Variants in EPS8 observed in about 807,000 individuals in gnomAD.
EPS8 encodes EGFR pathway substrate 8, signaling adaptor.
EPS8 carries 42 observed loss-of-function variants against 103.8 expected under a neutral mutation model. The observed-to-expected ratio is 0.40, with a 90% CI of 0.32 to 0.52. EPS8 has a LOEUF of 0.52. Ranked by LOEUF, EPS8 falls within the 20% of genes least tolerant of loss-of-function variation. The pLI, the probability that EPS8 is intolerant of heterozygous loss-of-function variation, is 0.40. For synonymous variants in EPS8, 344 were observed against 344.6 expected (o/e 1.00, Z 0.02); for missense variants, 969 against 1,005.1 (o/e 0.96, Z 0.49).
chr12:15,776,142 T>C lies in EPS8; in HGVS notation c.-22+13019A>G, dbSNP rs774295309. ...AGCAATTTTTCTTTTAAAAGAAATT[T>C]TTGCCCAAGTATTCTCCTTTCCAGT... On this transcript the variant is annotated intron_variant, in intron 1 of 20. Coordinates refer to ENST00000281172, the MANE Select transcript of EPS8 (RefSeq NM_004447.6). This position sits in a 1 kb window ranked among gnomAD's most constrained non-coding sequence, Gnocchi z 4.2. Among the ~76,000 whole-genome samples, 1 of 152,184 alleles carries C rather than the reference T, an allele frequency of 6.6e-6. No homozygotes were observed. The highest frequency in any genetic ancestry group is 1.5e-5 in the Non-Finnish European group (1 of 68,032).
rs568743483 is a variant in EPS8 at position 15,736,289 on chromosome 12, G to A, written c.-22+52872C>T. ...TTTTATAACATGAGTCTAGCACCAA[G>A]GAAAATGGACTTTGGAGTAAAGGAG... On this transcript the variant is annotated intron_variant, in intron 1 of 20. Transcript: ENST00000281172. The surrounding 1 kb of genome is among the most constrained non-coding windows in gnomAD (Gnocchi z 4.2). 4.2e-4 allele frequency among the ~76,000 whole-genome samples: 64 copies of A among 152,198 alleles called. No homozygotes were observed. The highest frequency in any genetic ancestry group is 3.4e-3 in the Middle Eastern group (1 of 294).
chr12:15,662,387 C>T (rs1391840654), intron 8 of EPS8: 1 of 1,135,874 alleles, frequency 8.8e-7, no homozygotes, highest in Admixed American at 4.5e-5. Context: ...ACCTGTAGAA[C>T]CAACCTTAAC....
In EPS8 at chr12:15,690,879, A is replaced by G. The variant is rs1157433207; in HGVS notation, c.-21-7907T>C. Among the ~76,000 whole-genome samples, 1 of 152,146 alleles carries G rather than the reference A, an allele frequency of 6.6e-6. No individual in the cohort carries two copies. The highest frequency in any genetic ancestry group is 1.5e-5 in the Non-Finnish European group (1 of 68,026). ...TAGTATTTTTCATTTATCTTCAAGA[A>G]TAGAGGCAGTCCTAATAGGCTGCTA... On this transcript the variant is annotated intron_variant, in intron 1 of 20. Coordinates refer to ENST00000281172, the MANE Select transcript of EPS8 (RefSeq NM_004447.6). This position sits in a 1 kb window ranked among gnomAD's most constrained non-coding sequence, Gnocchi z 4.7.
rs180899529 is a variant in EPS8, at chr12:15,669,833, T to G, written c.205-8A>C. The stretch of plus-strand genomic sequence containing the variant: ...GACAAAGGTAGTCAAGTGCTTACAA[T>G]TGGCAAAAAGGAAAAAGATTTATAA... On this transcript the variant is annotated splice_polypyrimidine_tract_variant and splice_region_variant and intron_variant, in intron 4 of 20. Transcript: ENST00000281172. 1.3e-6 allele frequency: 2 copies of G among 1,575,854 alleles called. No homozygotes were observed. Among genetic ancestry groups the G allele is most frequent in the Non-Finnish European group, 8.6e-7 (1 of 1,164,108 alleles).
rs1404158588 is a variant in EPS8, at chr12:15,787,496, G to C, written c.-22+1665C>G. Among the ~76,000 whole-genome samples the C allele has an allele frequency of 1.3e-5, 2 of 151,990 alleles. No individual in the cohort carries two copies. Among genetic ancestry groups the C allele is most frequent in the Non-Finnish European group, 2.9e-5 (2 of 67,974 alleles). On this transcript the variant is annotated intron_variant, in intron 1 of 20. Transcript: ENST00000281172. This position sits in a 1 kb window ranked among gnomAD's most constrained non-coding sequence, Gnocchi z 4.9. ...AAGAAACATCACCCTATTAAGAGTGGGGCTACTAACAGTATAAGTTAAATT... is the reference window on the plus strand; with the variant it reads ...AAGAAACATCACCCTATTAAGAGTGCGGCTACTAACAGTATAAGTTAAATT...
rs757961557 is a variant in EPS8 at position 15,731,248 on chromosome 12, A to G, written c.-21-48276T>C. 1.3e-5 allele frequency among the ~76,000 whole-genome samples: 2 copies of G among 152,204 alleles called. No individual in the cohort carries two copies. Among genetic ancestry groups the G allele is most frequent in the Non-Finnish European group, 2.9e-5 (2 of 68,024 alleles). ...ATTCTCTTTTCAAAGTATTTTGAAG[A>G]CAAATTCAGAATATAAAACTTTAAT... is the stretch of plus-strand genomic sequence containing the variant. On this transcript the variant is annotated intron_variant, in intron 1 of 20. Transcript: ENST00000281172. The surrounding 1 kb of genome is among the most constrained non-coding windows in gnomAD (Gnocchi z 5.1).
At chr12:15,740,645 A>G (rs1196976322) in intron 1 of EPS8, among the ~76,000 whole-genome samples, 1 of 152,120 alleles carries the variant, frequency 6.6e-6, no homozygotes, top group East Asian at 1.9e-4. Context: ...CATATGTGTC[A>G]TATAGATTTA....
rs1946546763 is a variant in EPS8 at position 15,717,588 on chromosome 12, A to G, written c.-21-34616T>C. ...GGTGACAGCACGAGACTCCATCTCA[A>G]AAAAAAAGAAAGAAAGAAAGAAAAA... On this transcript the variant is annotated intron_variant, in intron 1 of 20. Transcript: ENST00000281172. The surrounding 1 kb of genome is among the most constrained non-coding windows in gnomAD (Gnocchi z 4.3). 6.6e-6 allele frequency among the ~76,000 whole-genome samples: 1 copy of G among 151,898 alleles called. No individual in the cohort carries two copies. Among genetic ancestry groups the G allele is most frequent in the Admixed American group, 6.6e-5 (1 of 15,246 alleles).
rs988844387 is a variant in EPS8 at position 15,759,973 on chromosome 12, A to T, written c.-22+29188T>A. On this transcript the variant is annotated intron_variant, in intron 1 of 20. Transcript: ENST00000281172. This position sits in a 1 kb window ranked among gnomAD's most constrained non-coding sequence, Gnocchi z 4.9. ...AGGAAATGATAAAGATCAGAGCAGA[A>T]ATAAGAGAAATTAAAAAGAAGAAAA... Among the ~76,000 whole-genome samples, 1 of 151,994 alleles carries T rather than the reference A, an allele frequency of 6.6e-6. No individual in the cohort carries two copies. The highest frequency in any genetic ancestry group is 1.5e-5 in the Non-Finnish European group (1 of 67,928).
intron 1 of EPS8, among the ~76,000 whole-genome samples, chr12:15,768,429 CAAAAAAAAAA>C (rs71042268): frequency 1.6e-4 from 4 of 24,836 alleles, no homozygotes; most frequent in South Asian, 2.5e-3. Flanking sequence ...GACTCCATCT[CAAAAAAAAAA>C]AAAAAAAAAA....
At chr12:15,755,211 A>C (rs929607923) in intron 1 of EPS8, among the ~76,000 whole-genome samples, 25 of 152,226 alleles carry the variant, frequency 1.6e-4, no homozygotes, top group African/African-American at 5.8e-4. Context: ...TGGAAAATCA[A>C]GTTCTCCTTG....
intron 1 of EPS8, among the ~76,000 whole-genome samples, chr12:15,742,555 T>A (rs1946835996): frequency 6.6e-6 from 1 of 152,210 alleles, no homozygotes; most frequent in Non-Finnish European, 1.5e-5. Flanking sequence ...TCAAAAAGCT[T>A]ATCCACCACA....
chr12:15,624,475 CAATCTCTAT>C, intron 18 of EPS8, 68 bp from the exon 19 acceptor site: 1 of 1,239,684 alleles, frequency 8.1e-7, no homozygotes, highest in Non-Finnish European at 1.1e-6. Context: ...TCTAGAACCC[CAATCTCTAT>C]AATCCTTGAC....
intron 1 of EPS8, among the ~76,000 whole-genome samples, chr12:15,720,787 C>G (rs950079216): frequency 1.3e-5 from 2 of 152,138 alleles, no homozygotes; most frequent in African/African-American, 4.8e-5. Flanking sequence ...TGTGGACTCC[C>G]TGGGCATGTT....
At chr12:15,718,575 T>C (rs796228095) in intron 1 of EPS8, among the ~76,000 whole-genome samples, 20 of 152,322 alleles carry the variant, frequency 1.3e-4, no homozygotes, top group African/African-American at 4.3e-4. Flanking sequence ...CCCATAATTA[T>C]GAAGATTTTA....
rs550590542 is a variant in EPS8 at position 15,745,163 on chromosome 12, T to C, written c.-22+43998A>G. The stretch of plus-strand genomic sequence containing the variant: ...GGCGTGAGCCACCATGCCTGGCCAA[T>C]TGTCCATTATTTTTAACATTATTTG... On this transcript the variant is annotated intron_variant, in intron 1 of 20. Coordinates refer to ENST00000281172, the MANE Select transcript of EPS8 (RefSeq NM_004447.6). This position sits in a 1 kb window ranked among gnomAD's most constrained non-coding sequence, Gnocchi z 4.6. Among the ~76,000 whole-genome samples the C allele has an allele frequency of 1.3e-5, 2 of 152,290 alleles. No homozygotes were observed. Among genetic ancestry groups the C allele is most frequent in the South Asian group, 2.1e-4 (1 of 4,824 alleles).
intron 1 of EPS8, among the ~76,000 whole-genome samples, chr12:15,723,556 A>G (rs1037220167): frequency 1.3e-5 from 2 of 152,178 alleles, no homozygotes; most frequent in Admixed American, 1.3e-4. Flanking sequence ...CAAAATATAC[A>G]TACATCTTGG....
chr12:15,647,889 A>AT (rs1391173845), intron 14 of EPS8, among the ~76,000 whole-genome samples: 1 of 152,086 alleles, frequency 6.6e-6, no homozygotes, highest in Non-Finnish European at 1.5e-5. Context: ...ATGGAAGGCA[A>AT]TTTTTCCATG....
chr12:15,696,138 A>C lies in EPS8; in HGVS notation c.-21-13166T>G, dbSNP rs981881056. 1.3e-5 allele frequency among the ~76,000 whole-genome samples: 2 copies of C among 152,204 alleles called. No individual in the cohort carries two copies. The highest frequency in any genetic ancestry group is 2.9e-5 in the Non-Finnish European group (2 of 68,034). On this transcript the variant is annotated intron_variant, in intron 1 of 20. Coordinates refer to ENST00000281172, the MANE Select transcript of EPS8 (RefSeq NM_004447.6). The surrounding 1 kb of genome is among the most constrained non-coding windows in gnomAD (Gnocchi z 4.8). ...AAACAAAGAATTTATGCATTTATTG[A>C]AAGTGTTTTTAATGTTTCAAGACAA...
Sources: allele counts gnomAD v4.1 joint callset (sites outside exome capture counted in the v4.1 genomes callset), GRCh38; gene constraint gnomAD v4.1.1; non-coding constraint Gnocchi (gnomAD v3.1); transcripts MANE v1.5; gene names NCBI Gene and HGNC (gene_info 2026-07-23, HGNC 2026-07-21).